SLFN11: variants seen among roughly 807,000 people sequenced by gnomAD.
The protein encoded by SLFN11 is schlafen family member 11.
Under a neutral mutation model 53.4 loss-of-function variants are expected in SLFN11, and 43 were observed. That is an observed-to-expected ratio of 0.80 (90% confidence interval 0.63 to 1.04). SLFN11 has a LOEUF of 1.04. SLFN11 is among the 50% of genes least tolerant of loss of function. SLFN11 has a pLI of 0.00. For synonymous variants in SLFN11, 389 were observed against 394.7 expected (o/e 0.99, Z 0.17); for missense variants, 990 against 1,079.1 (o/e 0.92, Z 1.16).
chr17:35,364,789 T>C lies in SLFN11; in HGVS notation c.-19-963A>G, dbSNP rs552689776. ...ATAAGTATTTAACACTATATTTTGG[T>C]TCACAGGTGTTTAGTAAAGGAATCT... On this transcript the variant is annotated intron_variant, in intron 3 of 6. Coordinates refer to ENST00000685675, the MANE Select transcript of SLFN11 (RefSeq NM_001376007.1). Among the ~76,000 whole-genome samples the C allele has an allele frequency of 8.8e-4, 134 of 152,266 alleles. 6 individuals carry two copies. Among genetic ancestry groups the C allele is most frequent in the Non-Finnish European group, 8.8e-5 (6 of 68,030 alleles).
intron 5 of SLFN11, among the ~76,000 whole-genome samples, chr17:35,357,517 T>G (rs969664065): frequency 6.6e-6 from 1 of 151,408 alleles, no homozygotes; most frequent in Non-Finnish European, 1.5e-5. Flanking sequence ...TGAGTTCATC[T>G]TTTAAACAGT....
Position 35,362,932 on chromosome 17 carries a change from C to A in SLFN11, c.876G>T (p.Pro292=), listed in dbSNP as rs138127975. 1 of 1,613,544 alleles carries A rather than the reference C, an allele frequency of 6.2e-7. No homozygotes were observed. The highest frequency in any genetic ancestry group is 8.5e-7 in the Non-Finnish European group (1 of 1,179,742). The change falls in exon 4 of 7, where the codon CCG becomes CCT. Residue 292 remains proline, a synonymous_variant. Transcript: ENST00000685675. ...TCACAATTTTGAGTGTGAAGGTTAT[C>A]GGGCGTTGGGGTTGGCAAAAATGAA... ...PCVHFCQPQR[P]ITFTLKIVNV...
chr17:35,372,877 T>G (rs1909867556), intron 1 of SLFN11, among the ~76,000 whole-genome samples: 1 of 152,122 alleles, frequency 6.6e-6, no homozygotes, highest in African/African-American at 2.4e-5. Flanking sequence ...TTTGTCCTTC[T>G]GGGGTAGCAC....
chr17:35,366,539 A>T (rs2141980545), intron 3 of SLFN11, among the ~76,000 whole-genome samples: 1 of 152,258 alleles, frequency 6.6e-6, no homozygotes, highest in Middle Eastern at 3.4e-3. Context: ...AAAATTTAAA[A>T]CAATCAGTAA....
At chr17:35,357,139 CGTGTGTGTGTGT>C (rs35291259) in intron 5 of SLFN11, among the ~76,000 whole-genome samples, 123 of 142,926 alleles carry the variant, frequency 8.6e-4, no homozygotes, top group African/African-American at 3.0e-3. Flanking sequence ...TTTTTCTGTG[CGTGTGTGTGTGT>C]GTGTGTGTGT....
chr17:35,363,314 G>T lies in SLFN11; in HGVS notation c.494C>A (p.Pro165His). 6.2e-7 allele frequency: 1 copy of T among 1,613,964 alleles called. No individual in the cohort carries two copies. The highest frequency in any genetic ancestry group is 8.5e-7 in the Non-Finnish European group (1 of 1,179,974). The change falls in exon 4 of 7, where the codon CCT (proline) becomes CAT (histidine). Residue 165 changes from proline to histidine, a missense_variant. Physicochemically the swap from Pro to His is moderately conservative, Grantham distance 77. Coordinates refer to ENST00000685675, the MANE Select transcript of SLFN11 (RefSeq NM_001376007.1). ...KRKPKILEEGPFHKIHKGVYQ... is the reference protein window; with the variant it reads ...KRKPKILEEGHFHKIHKGVYQ... ...TACACCCTTGTGAATTTTGTGAAAA[G>T]GTCCTTCTTCCAAGATTTTTGGCTT...
intron 1 of SLFN11, among the ~76,000 whole-genome samples, chr17:35,371,172 C>A (rs1372640960): frequency 6.6e-6 from 1 of 152,124 alleles, no homozygotes; most frequent in East Asian, 1.9e-4. Context: ...ATACACACAC[C>A]TAAAGTGAAC....
chr17:35,357,880 C>T (rs1425628575), intron 5 of SLFN11, among the ~76,000 whole-genome samples: 1 of 142,226 alleles, frequency 7.0e-6, no homozygotes, highest in South Asian at 2.2e-4. Flanking sequence ...TTTTATATAT[C>T]TATATATTAT....
chr17:35,373,302 C>A (rs966550512), intron 1 of SLFN11, among the ~76,000 whole-genome samples, 172 bp downstream of exon 1: 2 of 140,692 alleles, frequency 1.4e-5, no homozygotes, highest in African/African-American at 5.2e-5. Context: ...CCTCCATAGT[C>A]CGCTTTTTAG....
chr17:35,371,103 T>C (rs1381239800), intron 1 of SLFN11, among the ~76,000 whole-genome samples: 5 of 152,096 alleles, frequency 3.3e-5, no homozygotes, highest in Non-Finnish European at 5.9e-5. Context: ...AATAGCATGA[T>C]ACTGACATTA....
intron 5 of SLFN11, among the ~76,000 whole-genome samples, chr17:35,355,911 T>C (rs1907412510): frequency 6.6e-6 from 1 of 152,172 alleles, no homozygotes; most frequent in Non-Finnish European, 1.5e-5. Context: ...GCTCCCACTT[T>C]GTATCCATTC....
At chr17:35,365,296 T>C (rs1398995389) in intron 3 of SLFN11, among the ~76,000 whole-genome samples, 1 of 151,964 alleles carries the variant, frequency 6.6e-6, no homozygotes, top group African/African-American at 2.4e-5. Flanking sequence ...AGGACAAAAA[T>C]ATTTTTTGCG....
intron 1 of SLFN11, among the ~76,000 whole-genome samples, chr17:35,373,262 C>T (rs888697185): frequency 1.3e-5 from 2 of 148,974 alleles, no homozygotes; most frequent in African/African-American, 4.9e-5. Context: ...CCTTCTACCC[C>T]CATTACCCAC....
Position 35,353,573 on chromosome 17 carries a change from C to T in SLFN11, c.1685G>A (p.Arg562Lys). The change falls in exon 6 of 7, where the codon AGG becomes AAG. Residue 562 changes from arginine to lysine, a missense_variant. This residue lies in a region of SLFN11 where 156 missense variants were observed against 241.9 expected (regional missense o/e 0.64). Coordinates refer to ENST00000685675, the MANE Select transcript of SLFN11 (RefSeq NM_001376007.1). ...QSLVIVLLGFRSLLSDQLGCE... is the reference protein window; with the variant it reads ...QSLVIVLLGFKSLLSDQLGCE... ...GCCGAGCTGGTCACTCAAGAGAGACCTGAAGCCGAGTAAGACAATCACGAG... is the reference window on the plus strand; with the variant it reads ...GCCGAGCTGGTCACTCAAGAGAGACTTGAAGCCGAGTAAGACAATCACGAG... 8.0e-7 allele frequency: 1 copy of T among 1,256,528 alleles called. No homozygotes were observed. The highest frequency in any genetic ancestry group is 1.1e-6 in the Non-Finnish European group (1 of 932,480). The allele number at this position is 1,256,528 out of a possible 1,614,324, so 77.8% of individuals were successfully genotyped here.
chr17:35,367,839 T>C (rs1201530670), intron 1 of SLFN11, 139 bp from the exon 2 acceptor site: 1 of 152,350 alleles, frequency 6.6e-6, no homozygotes, highest in Non-Finnish European at 1.5e-5. Flanking sequence ...ATGGTTTCCA[T>C]TTATTAGCTG....
rs370843269 is a variant in SLFN11, at chr17:35,354,488, C to G, written c.1199-429G>C. Among the ~76,000 whole-genome samples, 68 of 152,286 alleles carry G rather than the reference C, an allele frequency of 4.5e-4. 1 individual carries two copies. In the East Asian group the frequency reaches 0.01, roughly 22 times the overall value. On this transcript the variant is annotated intron_variant, in intron 5 of 6. Transcript: ENST00000685675. ...ATTGCTGGGAGTAGCAGGAGCCCCC[C>G]CTCCTCCACTGCCACAGGAAGAAGG...
Position 35,352,738 on chromosome 17 carries a change from C to T in SLFN11, c.2324G>A (p.Gly775Glu). Reference protein sequence around the residue: ...PEAEWSQGVQGTLRIKKYLTV... With the variant: ...PEAEWSQGVQETLRIKKYLTV... The stretch of plus-strand genomic sequence containing the variant: ...CAAGTATTTCTTAATTCGTAAGGTT[C>T]CCTGAACACCCTGGGACCATTCGGC... The change falls in exon 7 of 7, where the codon GGA becomes GAA. Residue 775 changes from glycine (G) to glutamate (E), a missense_variant. Coordinates refer to ENST00000685675, the MANE Select transcript of SLFN11 (RefSeq NM_001376007.1). 6.2e-7 allele frequency: 1 copy of T among 1,614,182 alleles called. No homozygotes were observed. The highest frequency in any genetic ancestry group is 1.1e-5 in the South Asian group (1 of 91,082).
intron 5 of SLFN11, among the ~76,000 whole-genome samples, chr17:35,357,148 GT>G (rs1907605575): frequency 6.9e-6 from 1 of 145,910 alleles, no homozygotes; most frequent in Non-Finnish European, 1.5e-5. Flanking sequence ...GCGTGTGTGT[GT>G]GTGTGTGTGT....
intron 5 of SLFN11, among the ~76,000 whole-genome samples, chr17:35,357,777 T>G (rs1044243584): frequency 4.2e-5 from 6 of 144,258 alleles, no homozygotes; most frequent in Admixed American, 1.4e-4. Flanking sequence ...AATATATAAA[T>G]ATGAAATAAT....
Sources: allele counts gnomAD v4.1 joint callset (sites outside exome capture counted in the v4.1 genomes callset), GRCh38; gene constraint gnomAD v4.1.1; regional missense constraint gnomAD v4.1.1; transcripts MANE v1.5; gene names NCBI Gene and HGNC (gene_info 2026-07-23, HGNC 2026-07-21).